Variants in MYO1E observed in about 807,000 individuals in gnomAD.
MYO1E encodes the protein myosin IE, also known as unconventional myosin-Ie.
MYO1E carries 68 observed loss-of-function variants against 151.1 expected under a neutral mutation model. The observed-to-expected ratio is 0.45, with a 90% confidence interval of 0.37 to 0.55. The LOEUF (loss-of-function observed/expected upper bound fraction) is 0.55, where lower values mean the gene tolerates loss of function less well. Ranked by LOEUF, MYO1E falls within the 20% of genes least tolerant of loss-of-function variation. MYO1E has a pLI of 0.00. For missense variants in MYO1E, 1,363 were observed against 1,389.3 expected (o/e 0.98, Z 0.30); for synonymous variants, 601 against 501.7 (o/e 1.20, Z -2.64).
intron 1 of MYO1E, among the ~76,000 whole-genome samples, chr15:59,372,009 C>G (rs1230732024): frequency 1.4e-3 from 210 of 149,926 alleles, no homozygotes; most frequent in African/African-American, 4.9e-3. Flanking sequence ...CGGGCGCTGC[C>G]GGGCAGCGGA....
At chr15:59,162,346 A>G (rs1330673483) in intron 23 of MYO1E, among the ~76,000 whole-genome samples, 3 of 152,206 alleles carry the variant, frequency 2.0e-5, no homozygotes, top group African/African-American at 7.2e-5. Flanking sequence ...CATGTTGCCA[A>G]AAGAAATGAA....
At chr15:59,201,430 G>GT (rs1206174099) in intron 16 of MYO1E, among the ~76,000 whole-genome samples, 2 of 134,622 alleles carry the variant, frequency 1.5e-5, no homozygotes, top group African/African-American at 5.5e-5. Flanking sequence ...TTGAGATGGA[G>GT]TTTTACTCTT....
chr15:59,339,287 T>G (rs978018218), intron 1 of MYO1E, among the ~76,000 whole-genome samples: 1 of 152,232 alleles, frequency 6.6e-6, no homozygotes, highest in Non-Finnish European at 1.5e-5. Flanking sequence ...TACACAGTGC[T>G]TGGATACAGA....
chr15:59,215,143 A>T (rs1232623736), intron 10 of MYO1E, among the ~76,000 whole-genome samples: 2 of 152,156 alleles, frequency 1.3e-5, no homozygotes, highest in African/African-American at 4.8e-5. Context: ...ACCCAACACA[A>T]TATGCCAGGG....
intron 2 of MYO1E, among the ~76,000 whole-genome samples, chr15:59,263,963 A>G (rs2080238869): frequency 6.6e-6 from 1 of 152,184 alleles, no homozygotes. Flanking sequence ...GCCAAGACTC[A>G]ATAAGGCGTC....
At chr15:59,226,341 A>G (rs928819676) in intron 7 of MYO1E, among the ~76,000 whole-genome samples, 1 of 152,214 alleles carries the variant, frequency 6.6e-6, no homozygotes, top group Admixed American at 6.5e-5. Flanking sequence ...AGTGATCCAC[A>G]AACTAAACAC....
intron 4 of MYO1E, among the ~76,000 whole-genome samples, chr15:59,250,985 A>G (rs1228596484): frequency 6.6e-6 from 1 of 152,164 alleles, no homozygotes; most frequent in Non-Finnish European, 1.5e-5. Context: ...AGCTCATGTA[A>G]GAAGACCATT....
intron 16 of MYO1E, among the ~76,000 whole-genome samples, chr15:59,198,345 C>T (rs2079780352): frequency 6.6e-6 from 1 of 152,286 alleles, no homozygotes; most frequent in African/African-American, 2.4e-5. Flanking sequence ...GTGAAAGCTC[C>T]TCATTCTACC....
chr15:59,201,706 C>CAAACTCTTAATTCAGTGTAATTAAGTGT (rs1358135770), intron 16 of MYO1E, among the ~76,000 whole-genome samples: 5 of 152,294 alleles, frequency 3.3e-5, no homozygotes, highest in Admixed American at 6.5e-5. Flanking sequence ...ACCCAGCCCA[C>CAAACTCTTAATTCAGTGTAATTAAGTGT]AAACTCTTAA....
intron 18 of MYO1E, among the ~76,000 whole-genome samples, chr15:59,182,256 AGGCTGGAGTGCAGTGGCGCAGTCTT>A (rs1167938190): frequency 6.6e-6 from 1 of 152,076 alleles, no homozygotes; most frequent in East Asian, 1.9e-4. Context: ...CTTGTCGCCC[AGGCTGGAGTGCAGTGGCGCAGTCTT>A]GGTTCACTGC....
In MYO1E at chr15:59,240,866, C is replaced by T. The variant is rs1215540131; in HGVS notation, c.333-4194G>A. Among the ~76,000 whole-genome samples, 4 of 152,230 alleles carry T rather than the reference C, an allele frequency of 2.6e-5. No individual in the cohort carries two copies. The East Asian group carries it at 7.7e-4, about 29-fold the overall frequency. On this transcript the variant is annotated intron_variant, in intron 4 of 27. Transcript: ENST00000288235. ...CTTTTGTTCATGCAACACACACTGT[C>T]TAACAACCCCCTCTGCCCCAGTGTG...
intron 19 of MYO1E, among the ~76,000 whole-genome samples, chr15:59,176,669 C>T (rs2079627263): frequency 6.6e-6 from 1 of 151,956 alleles, no homozygotes; most frequent in African/African-American, 2.4e-5. Context: ...ACTGACTTGC[C>T]CAGTCTTGAA....
intron 1 of MYO1E, among the ~76,000 whole-genome samples, chr15:59,302,131 T>C (rs1464109932): frequency 6.6e-6 from 1 of 151,830 alleles, no homozygotes; most frequent in Non-Finnish European, 1.5e-5. Context: ...GAGCATCAGA[T>C]GTGGGGAGAA....
intron 1 of MYO1E, among the ~76,000 whole-genome samples, chr15:59,353,369 A>AAAAAAAAAG (rs1178465167): frequency 2.1e-5 from 2 of 96,886 alleles, no homozygotes; most frequent in East Asian, 3.0e-4. Flanking sequence ...AAAAAAAAAA[A>AAAAAAAAAG]AAAAGAAAAG....
At chr15:59,345,764 T>C (rs1035000956) in intron 1 of MYO1E, among the ~76,000 whole-genome samples, 8 of 152,204 alleles carry the variant, frequency 5.3e-5, no homozygotes, top group Non-Finnish European at 7.3e-5. Context: ...TATAGAATAT[T>C]TACCAATTCT....
At position 59,185,592 on chromosome 15, in the gene MYO1E, G is replaced by A. The variant is rs2079691130; in HGVS notation, c.1904+2526C>T. Reference sequence around the variant, plus strand: ...CCTCTTAATTAAAAAAGGGTATTTTGGGGTCGGGCATGGTAGCTGATGCCT... The same window carrying A: ...CCTCTTAATTAAAAAAGGGTATTTTAGGGTCGGGCATGGTAGCTGATGCCT... On this transcript the variant is annotated intron_variant, in intron 18 of 27. Coordinates refer to ENST00000288235, the MANE Select transcript of MYO1E (RefSeq NM_004998.4). Among the ~76,000 whole-genome samples, 3 of 152,166 alleles carry A rather than the reference G, an allele frequency of 2.0e-5. No individual in the cohort carries two copies. The South Asian group carries it at 6.2e-4, about 31-fold the overall frequency.
At chr15:59,369,407 T>C (rs1199210735) in intron 1 of MYO1E, among the ~76,000 whole-genome samples, 1 of 152,182 alleles carries the variant, frequency 6.6e-6, no homozygotes, top group Non-Finnish European at 1.5e-5. Flanking sequence ...AATTTCTGGA[T>C]CCAAAGCACA....
chr15:59,343,068 CTG>C (rs1311550403), intron 1 of MYO1E, among the ~76,000 whole-genome samples: 12 of 152,044 alleles, frequency 7.9e-5, no homozygotes, highest in Admixed American at 7.9e-4. Flanking sequence ...TTATAATATT[CTG>C]TGTTTTTCTG....
intron 2 of MYO1E, among the ~76,000 whole-genome samples, chr15:59,262,801 A>C (rs972938034): frequency 1.3e-5 from 2 of 152,174 alleles, no homozygotes; most frequent in African/African-American, 4.8e-5. Context: ...GGGCCTTAAA[A>C]ATTTTACACA....
Sources: gnomAD v4.1 joint callset for allele counts (sites outside exome capture counted in the v4.1 genomes callset) on GRCh38, gnomAD v4.1.1 for gene constraint, MANE v1.5 for transcripts, NCBI Gene and HGNC (gene_info 2026-07-23, HGNC 2026-07-21) for gene names.